The following LEKR1 variants were observed in gnomAD, a reference collection of about 807,000 sequenced individuals.
The protein encoded by LEKR1 is leucine, glutamate and lysine rich 1, also known as protein LEKR1.
A neutral mutation model predicts 72.4 loss-of-function variants in LEKR1; 59 were observed. That is an observed-to-expected ratio of 0.82 (90% CI 0.66 to 1.01). LEKR1 has a LOEUF of 1.01. Among genes scored for constraint, LEKR1 ranks in the 50% least tolerant of loss-of-function variants. LEKR1 has a pLI of 0.00. For missense variants in LEKR1, 728 were observed against 759.2 expected (o/e 0.96, Z 0.48); for synonymous variants, 257 against 263.2 (o/e 0.98, Z 0.23).
At chr3:156,924,638 G>A (rs1576833907) in intron 4 of LEKR1, 1 of 467,426 alleles carries the variant, frequency 2.1e-6, no homozygotes, top group Non-Finnish European at 3.8e-6. Context: ...TATGATATGA[G>A]GTAAGAATCT....
chr3:156,836,027 C>T (rs1328850394), intron 2 of LEKR1, among the ~76,000 whole-genome samples: 8 of 151,812 alleles, frequency 5.3e-5, no homozygotes, highest in Non-Finnish European at 7.4e-5. Flanking sequence ...GCATGTACCA[C>T]CATGCCTGGC....
At chr3:157,027,909 T>A (rs1398819391) in intron 11 of LEKR1, among the ~76,000 whole-genome samples, 194 bp from the exon 12 acceptor site, 2 of 152,232 alleles carry the variant, frequency 1.3e-5, no homozygotes, top group Non-Finnish European at 1.5e-5. Context: ...ATTAATGTGA[T>A]ACTGTTTTAA....
chr3:156,848,534 T>C (rs1714917497), intron 2 of LEKR1, among the ~76,000 whole-genome samples: 1 of 152,218 alleles, frequency 6.6e-6, no homozygotes. Flanking sequence ...ATAGAATATA[T>C]GGACTTTATG....
At chr3:156,961,444 C>G (rs553839586) in intron 6 of LEKR1, among the ~76,000 whole-genome samples, 1 of 152,186 alleles carries the variant, frequency 6.6e-6, no homozygotes, top group South Asian at 2.1e-4. Flanking sequence ...CACTCCTGCC[C>G]CTTTCCAACA....
intron 12 of LEKR1, among the ~76,000 whole-genome samples, chr3:157,043,120 G>A (rs187814716): frequency 1.2e-4 from 18 of 152,316 alleles, no homozygotes; most frequent in African/African-American, 4.1e-4. Context: ...CTCCCGCCAT[G>A]TAAGATGCAT....
chr3:156,925,665 C>G (rs545521141), intron 4 of LEKR1, among the ~76,000 whole-genome samples: 60 of 152,106 alleles, frequency 3.9e-4, no homozygotes, highest in Non-Finnish European at 6.9e-4. Flanking sequence ...GGGAGGGCTC[C>G]TGGTGAAAGC....
intron 3 of LEKR1, among the ~76,000 whole-genome samples, chr3:156,869,625 G>A (rs545886729): frequency 1.3e-5 from 2 of 151,894 alleles, no homozygotes; most frequent in Non-Finnish European, 2.9e-5. Context: ...CAGACAAATG[G>A]ATTGCAGGTA....
intron 3 of LEKR1, among the ~76,000 whole-genome samples, chr3:156,899,062 A>G (rs778465297): frequency 6.6e-6 from 1 of 152,078 alleles, no homozygotes; most frequent in Non-Finnish European, 1.5e-5. Flanking sequence ...TGTGAAAGAC[A>G]GGTTGCTGTC....
intron 12 of LEKR1, among the ~76,000 whole-genome samples, chr3:157,029,316 T>C (rs1734431761): frequency 6.6e-6 from 1 of 152,058 alleles, no homozygotes; most frequent in Non-Finnish European, 1.5e-5. Flanking sequence ...AGATAAAATA[T>C]GGAGTAGATA....
intron 6 of LEKR1, among the ~76,000 whole-genome samples, chr3:156,963,709 C>T (rs894942911): frequency 4.6e-5 from 7 of 152,136 alleles, no homozygotes; most frequent in Non-Finnish European, 8.8e-5. Context: ...TTACTATCAC[C>T]CTCCTGGGTT....
intron 7 of LEKR1, among the ~76,000 whole-genome samples, chr3:156,987,087 G>C (rs1730759163): frequency 6.6e-6 from 1 of 151,828 alleles, no homozygotes; most frequent in South Asian, 2.1e-4. Flanking sequence ...GTATTGTATT[G>C]TATTGGCAGG....
chr3:156,860,478 G>A (rs1347430634), intron 3 of LEKR1, among the ~76,000 whole-genome samples: 5 of 152,166 alleles, frequency 3.3e-5, no homozygotes, highest in East Asian at 3.8e-4. Context: ...TCAGTTTAGA[G>A]CAGTCAGCCC....
chr3:156,929,114 T>C (rs1449299645), intron 5 of LEKR1, among the ~76,000 whole-genome samples: 2 of 151,202 alleles, frequency 1.3e-5, no homozygotes, highest in African/African-American at 4.8e-5. Flanking sequence ...AAATGAGAAA[T>C]TCAAGAATTG....
intron 9 of LEKR1, among the ~76,000 whole-genome samples, chr3:157,008,395 T>G: frequency 6.6e-6 from 1 of 152,210 alleles, no homozygotes; most frequent in East Asian, 1.9e-4. Context: ...TCAATAATTG[T>G]TTTTTTAAAA....
intron 12 of LEKR1, among the ~76,000 whole-genome samples, chr3:157,036,652 G>A (rs1482856): frequency 0.6 from 90,640 of 152,056 alleles, 30,344 homozygotes; most frequent in South Asian, 0.8. Flanking sequence ...ATCCAACACA[G>A]GAGAGGGATG....
In LEKR1 at chr3:157,012,734, A is replaced by C. The variant is rs1253612911; in HGVS notation, c.1203+1228A>C. 2.0e-5 allele frequency among the ~76,000 whole-genome samples: 3 copies of C among 152,082 alleles called. No individual in the cohort carries two copies. In the East Asian group the frequency reaches 5.8e-4, roughly 29 times the overall value. On this transcript the variant is annotated intron_variant, in intron 10 of 12. Transcript: ENST00000356539. ...AAAACAAAATTGGAGAATATGGACT[A>C]ATGTTGCTATTTGTGTCTCATTCTT...
intron 12 of LEKR1, among the ~76,000 whole-genome samples, chr3:157,031,347 T>C (rs1734594788): frequency 6.6e-6 from 1 of 152,060 alleles, no homozygotes. Context: ...GAGAAAAGGA[T>C]CATCCCAAAG....
At chr3:157,033,371 C>G (rs77377432) in intron 12 of LEKR1, among the ~76,000 whole-genome samples, 5,080 of 152,306 alleles carry the variant, frequency 0.033, 100 homozygotes, top group Admixed American at 0.043. Flanking sequence ...AATAAAAGTG[C>G]TACCTCAGTG....
At position 156,990,083 on chromosome 3, in the gene LEKR1, T is replaced by C. The variant is rs71310487; in HGVS notation, c.828-2570T>C. Among the ~76,000 whole-genome samples the C allele has an allele frequency of 8.5e-3, 1,300 of 152,320 alleles. 9 individuals carry two copies. Among genetic ancestry groups the C allele is most frequent in the Middle Eastern group, 0.014 (4 of 294 alleles). ...TACTCAGATATCTCTTTAGCCTCCT[T>C]TAATCTAGAATATTTCCACATTTTG... On this transcript the variant is annotated intron_variant, in intron 7 of 12. Coordinates refer to ENST00000356539, the MANE Select transcript of LEKR1 (RefSeq NM_001004316.3).
Sources: allele counts gnomAD v4.1 joint callset (sites outside exome capture counted in the v4.1 genomes callset), GRCh38; gene constraint gnomAD v4.1.1; transcripts MANE v1.5; gene names NCBI Gene and HGNC (gene_info 2026-07-23, HGNC 2026-07-21).